Variants in WDPCP observed in about 807,000 individuals in gnomAD.
WDPCP encodes WD repeat-containing and planar cell polarity effector protein fritz homolog.
Under a neutral mutation model 93.1 loss-of-function variants are expected in WDPCP, and 71 were observed. That is an observed-to-expected ratio of 0.76 (90% CI 0.63 to 0.93). The LOEUF is 0.93. Among genes scored for constraint, WDPCP ranks in the 40% least tolerant of loss-of-function variants. The pLI is 0.00. For synonymous variants in WDPCP, 315 were observed against 315.0 expected, an observed-to-expected ratio of 1.00 and a Z score of 0.00; for missense variants, 844 against 887.4, an observed-to-expected ratio of 0.95 and a Z score of 0.62.
intron 12 of WDPCP, among the ~76,000 whole-genome samples, chr2:63,315,077 A>G (rs1053819829): frequency 5.3e-5 from 8 of 152,226 alleles, no homozygotes; most frequent in African/African-American, 1.7e-4. Flanking sequence ...TAAAATACTT[A>G]GTTAAAGTAA....
At chr2:63,622,472 G>A in intron 3 of WDPCP, 1 of 1,613,952 alleles carries the variant, frequency 6.2e-7, no homozygotes, top group Non-Finnish European at 8.5e-7. Flanking sequence ...TCCAGCCGCT[G>A]TTGTCAGAGT....
At chr2:63,747,082 C>T (rs574498964) in intron 2 of WDPCP, among the ~76,000 whole-genome samples, 16 of 152,100 alleles carry the variant, frequency 1.1e-4, no homozygotes, top group Admixed American at 5.2e-4. Context: ...AGAAAAGGAC[C>T]GACGTTGAAA....
At chr2:63,568,355 CAAA>C (rs34633887) in intron 1 of WDPCP, among the ~76,000 whole-genome samples, 1 of 149,546 alleles carries the variant, frequency 6.7e-6, no homozygotes, top group African/African-American at 2.5e-5. Context: ...AAAAAAAAAA[CAAA>C]AAAAAACCTC....
intron 8 of WDPCP, among the ~76,000 whole-genome samples, chr2:63,434,295 C>T (rs1439590678): frequency 6.6e-6 from 1 of 152,154 alleles, no homozygotes; most frequent in East Asian, 1.9e-4. Flanking sequence ...TTCAGTACTG[C>T]TGACCAAGAG....
At chr2:63,594,105 T>C (rs1709256300) in intron 3 of WDPCP, among the ~76,000 whole-genome samples, 1 of 152,224 alleles carries the variant, frequency 6.6e-6, no homozygotes. Context: ...CTTCTTGGTA[T>C]GAAGATTCTA....
intron 14 of WDPCP, among the ~76,000 whole-genome samples, chr2:63,210,097 A>G (rs1676651590): frequency 6.6e-6 from 1 of 151,898 alleles, no homozygotes; most frequent in South Asian, 2.1e-4. Flanking sequence ...AACAATGGCT[A>G]TGCTATAAAA....
intron 2 of WDPCP, among the ~76,000 whole-genome samples, chr2:63,772,872 T>G (rs1474900495): frequency 2.6e-5 from 4 of 152,102 alleles, no homozygotes; most frequent in Non-Finnish European, 5.9e-5. Flanking sequence ...GTTTTCCTCC[T>G]GATACTGGGA....
At chr2:63,146,881 C>T (rs1671553349) in intron 17 of WDPCP, among the ~76,000 whole-genome samples, 1 of 152,098 alleles carries the variant, frequency 6.6e-6, no homozygotes, top group Non-Finnish European at 1.5e-5. Flanking sequence ...ATGGTCGAAT[C>T]CAAATAGTGG....
intron 13 of WDPCP, among the ~76,000 whole-genome samples, chr2:63,278,759 G>T (rs1683275103): frequency 1.3e-5 from 2 of 152,180 alleles, no homozygotes; most frequent in African/African-American, 4.8e-5. Context: ...CTGGGAGGCA[G>T]AGCTTGCAGT....
chr2:63,467,902 C>A (rs72821628), intron 6 of WDPCP, among the ~76,000 whole-genome samples: 1 of 151,846 alleles, frequency 6.6e-6, no homozygotes, highest in East Asian at 1.9e-4. Context: ...CAAACATACA[C>A]ACATCCTTTA....
intron 2 of WDPCP, among the ~76,000 whole-genome samples, chr2:63,783,793 G>C (rs998305594): frequency 1.3e-5 from 2 of 152,104 alleles, no homozygotes; most frequent in Admixed American, 1.3e-4. Flanking sequence ...GGTGCTGGAT[G>C]ATGGGAAATT....
chr2:63,721,864 C>T (rs778343346), intron 2 of WDPCP, among the ~76,000 whole-genome samples: 1,856 of 152,288 alleles, frequency 0.012, 12 homozygotes, highest in Non-Finnish European at 0.014. Context: ...CTCAGCCTGC[C>T]GAGTGCCTGC....
chr2:63,549,435 G>GA (rs202082514), intron 1 of WDPCP, among the ~76,000 whole-genome samples: 1 of 151,278 alleles, frequency 6.6e-6, no homozygotes. Context: ...ATGGAAACTA[G>GA]AAAAAAAAAT....
intron 2 of WDPCP, among the ~76,000 whole-genome samples, chr2:63,746,276 A>C (rs920150648): frequency 6.6e-6 from 1 of 152,120 alleles, no homozygotes; most frequent in Non-Finnish European, 1.5e-5. Context: ...GCCTGTCTTT[A>C]CTTTAATCTC....
chr2:63,488,409 A>G (rs1003454712), intron 2 of WDPCP, among the ~76,000 whole-genome samples: 1 of 152,128 alleles, frequency 6.6e-6, no homozygotes, highest in African/African-American at 2.4e-5. Flanking sequence ...GTCTTTCAAA[A>G]TAGTCAATTG....
At chr2:63,143,907 A>G (rs1446262512) in intron 17 of WDPCP, among the ~76,000 whole-genome samples, 1 of 152,168 alleles carries the variant, frequency 6.6e-6, no homozygotes, top group African/African-American at 2.4e-5. Context: ...TAACCTGATG[A>G]CTATGTGCCT....
intron 13 of WDPCP, among the ~76,000 whole-genome samples, chr2:63,271,556 A>G (rs886706092): frequency 6.6e-6 from 1 of 152,164 alleles, no homozygotes; most frequent in Non-Finnish European, 1.5e-5. Flanking sequence ...GACTCATCCC[A>G]TCACTGTCAC....
intron 1 of WDPCP, among the ~76,000 whole-genome samples, chr2:63,510,817 C>T (rs759851540): frequency 1.3e-5 from 2 of 151,802 alleles, no homozygotes; most frequent in Non-Finnish European, 2.9e-5. Flanking sequence ...CTAAAAAATA[C>T]CAAAAAAAAT....
At chr2:63,342,876 T>C (rs904253859) in intron 12 of WDPCP, among the ~76,000 whole-genome samples, 8 of 152,238 alleles carry the variant, frequency 5.3e-5, no homozygotes, top group Non-Finnish European at 1.0e-4. Flanking sequence ...TTCATTTCAG[T>C]CTGAAGAACT....
Sources: gnomAD v4.1 joint callset for allele counts (sites outside exome capture counted in the v4.1 genomes callset) on GRCh38, gnomAD v4.1.1 for gene constraint, MANE v1.5 for transcripts, NCBI Gene and HGNC (gene_info 2026-07-23, HGNC 2026-07-21) for gene names.